Variants in BTK observed in about 807,000 individuals in gnomAD.
The protein encoded by BTK is Bruton tyrosine kinase.
In BTK, 5 loss-of-function variants were observed where a neutral mutation model predicts 57.4. The ratio of observed to expected loss-of-function variants is 0.09; its 90% CI spans 0.05 to 0.18. BTK has a LOEUF of 0.18. Among genes scored for constraint, BTK ranks in the 10% least tolerant of loss-of-function variants. BTK has a pLI of 1.00. For missense variants in BTK, 194 were observed against 501.2 expected (o/e 0.39, Z 5.85); for synonymous variants, 154 against 174.3 (o/e 0.88, Z 0.92).
At chrX:101,375,879 G>A (rs1374524570) in intron 1 of BTK, among the ~76,000 whole-genome samples, 1 of 111,803 alleles carries the variant, frequency 8.9e-6, no homozygotes, top group Non-Finnish European at 1.9e-5. Context: ...CACACTAACT[G>A]CTGCCCAACT....
intron 3 of BTK, 139 bp from the exon 4 acceptor site, chrX:101,371,840 A>G (rs1269573884): frequency 5.9e-6 from 3 of 512,815 alleles, no homozygotes; most frequent in African/African-American, 4.6e-5. Context: ...ATTACTTTCT[A>G]TAGGCCAATA....
intron 1 of BTK, chrX:101,377,799 G>A (rs1927260414): frequency 9.0e-6 from 1 of 111,361 alleles, no homozygotes; most frequent in Admixed American, 9.6e-5. Context: ...AGGTGAAATG[G>A]CCTCCACCTC....
At chrX:101,359,179 G>A in intron 10 of BTK, 114 bp downstream of exon 10, 1 of 843,294 alleles carries the variant, frequency 1.2e-6, no homozygotes, top group Non-Finnish European at 1.8e-6. Flanking sequence ...TGGGATCCCA[G>A]ACGATGGCAG....
At chrX:101,350,111 A>G (rs1926228111) in intron 18 of BTK, among the ~76,000 whole-genome samples, 155 bp from the exon 19 acceptor site, 1 of 109,343 alleles carries the variant, frequency 9.1e-6, no homozygotes, top group Non-Finnish European at 1.9e-5. Flanking sequence ...AAAAAGAAAT[A>G]GCAGCTCTCC....
chrX:101,356,985 G>A, intron 13 of BTK, 30 bp from the exon 14 acceptor site: 1 of 1,202,864 alleles, frequency 8.3e-7, no homozygotes, highest in Non-Finnish European at 1.1e-6. Context: ...GTGATTCTTT[G>A]GGGTCATGAA....
intron 1 of BTK, among the ~76,000 whole-genome samples, chrX:101,376,411 T>C: frequency 8.9e-6 from 1 of 111,887 alleles, no homozygotes; most frequent in Non-Finnish European, 1.9e-5. Context: ...GCGGATCACC[T>C]GAGGTCAACA....
In BTK at chrX:101,360,708, G is replaced by A. The variant is rs782429817; in HGVS notation, c.636C>T (p.Ser212=). Residue 212 remains serine (S), a synonymous_variant, in exon 8 of 19, where the codon TCC becomes TCT. Coordinates refer to ENST00000308731, the MANE Select transcript of BTK (RefSeq NM_000061.3). ...LPPEPAAAPV[S]TSELKKVVAL... ...CCACAACCTTTTTCAGCTCACTTGT[G>A]GAGACTGGTGCTGCTGCTGGCTCAG... 2.5e-6 allele frequency: 3 copies of A among 1,211,694 alleles called. No individual in the cohort carries two copies. In the South Asian group the frequency reaches 5.3e-5, roughly 21 times the overall value.
Position 101,353,811 on chromosome X carries a change from T to G in BTK, c.1750+59A>C, listed in dbSNP as rs899771483. The G allele has an allele frequency of 5.1e-6, 5 of 975,699 alleles. No homozygotes were observed. In the African/African-American group the frequency reaches 9.5e-5, roughly 19 times the overall value. The allele number at this position is 975,699 out of a possible 1,213,427, so 80.4% of individuals were successfully genotyped here. A position where few individuals can be genotyped will look rare whatever the true frequency, so the allele number is the denominator to read the frequency against. On this transcript the variant is annotated intron_variant, in intron 17 of 18. Coordinates refer to ENST00000308731, the MANE Select transcript of BTK (RefSeq NM_000061.3). ...TCTGTGGAGGTTGCAAAGTGTGAATTTTCCCATTGCATTTCTTATCCTTTG... is the reference window on the plus strand; with the variant it reads ...TCTGTGGAGGTTGCAAAGTGTGAATGTTCCCATTGCATTTCTTATCCTTTG...
At chrX:101,361,746 T>C (rs2147434315) in intron 7 of BTK, among the ~76,000 whole-genome samples, 1 of 110,691 alleles carries the variant, frequency 9.0e-6, no homozygotes, top group African/African-American at 3.3e-5. Context: ...AATACAAAAA[T>C]TAGCTGGGCG....
intron 3 of BTK, 149 bp downstream of exon 3, chrX:101,374,387 T>C (rs1927137600): frequency 1.9e-6 from 1 of 519,794 alleles, no homozygotes; most frequent in Non-Finnish European, 3.4e-6. Flanking sequence ...AGATTCTTTA[T>C]AACCAATATG....
upstream of BTK, chrX:101,390,565 G>T (rs1409436802): frequency 3.9e-6 from 2 of 513,717 alleles, no homozygotes; most frequent in Non-Finnish European, 7.0e-6. Context: ...AGATGAACTG[G>T]AACAATTGGC....
chrX:101,349,846 T>C lies in BTK; in HGVS notation c.*39A>G. The C allele has an allele frequency of 1.8e-6, 2 of 1,133,863 alleles. No individual in the cohort carries two copies. Among genetic ancestry groups the C allele is most frequent in the Non-Finnish European group, 2.4e-6 (2 of 825,463 alleles). The allele number at this position is 1,133,863 out of a possible 1,213,427, so 93.4% of individuals were successfully genotyped here. A position where few individuals can be genotyped will look rare whatever the true frequency, so the allele number is the denominator to read the frequency against. ...TCTGAGAAAGTGAAATTGGGGCTTGTGGAGAAGAGAAGTAGAACCAAGAAG... is the reference window on the plus strand; with the variant it reads ...TCTGAGAAAGTGAAATTGGGGCTTGCGGAGAAGAGAAGTAGAACCAAGAAG... On this transcript the variant is annotated 3_prime_UTR_variant, in exon 19 of 19. Transcript: ENST00000308731.
intron 5 of BTK, among the ~76,000 whole-genome samples, chrX:101,365,075 C>T (rs1024456653): frequency 1.8e-5 from 2 of 111,127 alleles, no homozygotes; most frequent in African/African-American, 6.5e-5. Flanking sequence ...ATAATAAAAC[C>T]GACCCAAAGT....
At position 101,362,544 on chromosome X, in the gene BTK, T is replaced by G. The variant is rs1926707133; in HGVS notation, c.520+17A>C. The G allele has an allele frequency of 1.7e-6, 2 of 1,211,387 alleles. No homozygotes were observed. The highest frequency in any genetic ancestry group is 3.5e-5 in the African/African-American group (2 of 57,751). On this transcript the variant is annotated intron_variant, in intron 6 of 18. Transcript: ENST00000308731. ...ACAGTCAAAGGAGAAAGAAATTATA[T>G]CGATCAGATTGCTTACTTCCATTCC...
intron 5 of BTK, among the ~76,000 whole-genome samples, chrX:101,367,962 G>A (rs782479987): frequency 9.3e-4 from 104 of 111,820 alleles, no homozygotes; most frequent in African/African-American, 3.1e-3. Context: ...AGAAGTACAA[G>A]TATACATGTC....
intron 3 of BTK, among the ~76,000 whole-genome samples, chrX:101,372,644 T>C (rs1427873669): frequency 1.9e-5 from 2 of 107,719 alleles, no homozygotes; most frequent in Admixed American, 9.8e-5. Context: ...AGACGGGGTT[T>C]CACCATGTTG....
chrX:101,350,401 C>G (rs1218609652), intron 18 of BTK, among the ~76,000 whole-genome samples: 1 of 68,710 alleles, frequency 1.5e-5, no homozygotes, highest in Non-Finnish European at 2.7e-5. Context: ...TACCTGGGAC[C>G]TTTTTTTTTT....
intron 1 of BTK, among the ~76,000 whole-genome samples, chrX:101,376,541 C>T (rs1316903083): frequency 2.7e-5 from 3 of 111,356 alleles, no homozygotes; most frequent in East Asian, 2.8e-4. Context: ...GCAGGAGAAT[C>T]GCTTGAACCC....
chrX:101,383,449 T>C (rs1370269211), intron 1 of BTK, among the ~76,000 whole-genome samples: 3 of 111,851 alleles, frequency 2.7e-5, no homozygotes, highest in African/African-American at 9.7e-5. Context: ...TCCAAATAGT[T>C]TTAGAGAGCC....
Sources: gnomAD v4.1 joint callset for allele counts (sites outside exome capture counted in the v4.1 genomes callset) on GRCh38, gnomAD v4.1.1 for gene constraint, MANE v1.5 for transcripts, NCBI Gene and HGNC (gene_info 2026-07-23, HGNC 2026-07-21) for gene names.